MTFR1: variants seen among roughly 807,000 people sequenced by gnomAD.
MTFR1 encodes the protein mitochondrial fission regulator 1.
A neutral mutation model predicts 38.8 loss-of-function variants in MTFR1; 28 were observed. The ratio of observed to expected loss-of-function variants is 0.72; its 90% confidence interval spans 0.53 to 0.99. The LOEUF (loss-of-function observed/expected upper bound fraction) is 0.99. MTFR1 is among the 50% of genes least tolerant of loss of function. The pLI, the probability that MTFR1 is intolerant of heterozygous loss-of-function variation, is 0.00. For missense variants in MTFR1, 358 were observed against 395.5 expected (o/e 0.91, Z 0.81); for synonymous variants, 145 against 137.0 (o/e 1.06, Z -0.41).
At chr8:65,708,325 AC>A in intron 7 of MTFR1, 1 of 416,088 alleles carries the variant, frequency 2.4e-6, no homozygotes, top group South Asian at 2.2e-5. Context: ...CTCCAATGTT[AC>A]ATTTTCTATG....
intron 1 of MTFR1, among the ~76,000 whole-genome samples, chr8:65,645,808 C>T (rs1288386824): frequency 2.0e-5 from 3 of 150,912 alleles, no homozygotes; most frequent in Non-Finnish European, 4.4e-5. Context: ...GGATTACAGG[C>T]GGGAGTCATC....
chr8:65,665,258 C>T (rs960920208), intron 1 of MTFR1, among the ~76,000 whole-genome samples: 2 of 152,106 alleles, frequency 1.3e-5, no homozygotes, highest in Non-Finnish European at 2.9e-5. Context: ...TCAAACTCCA[C>T]ATAAAACCAT....
intron 3 of MTFR1, among the ~76,000 whole-genome samples, chr8:65,752,492 T>C (rs568784587): frequency 6.6e-6 from 1 of 152,342 alleles, no homozygotes; most frequent in Admixed American, 6.5e-5. Flanking sequence ...TCATTATCTC[T>C]GGCATTGAAA....
At chr8:65,749,927 G>A (rs1431720363) in intron 3 of MTFR1, among the ~76,000 whole-genome samples, 7 of 152,164 alleles carry the variant, frequency 4.6e-5, no homozygotes, top group African/African-American at 1.7e-4. Flanking sequence ...GAAACAGAAG[G>A]AAAATAGCTA....
chr8:65,677,424 C>T (rs1456219769), intron 2 of MTFR1, among the ~76,000 whole-genome samples: 1 of 146,930 alleles, frequency 6.8e-6, no homozygotes, highest in Non-Finnish European at 1.5e-5. Context: ...TTGCTCTGTC[C>T]CAGGCAGGAG....
chr8:65,665,490 CAT>C (rs1431430420), intron 1 of MTFR1, among the ~76,000 whole-genome samples: 1 of 152,204 alleles, frequency 6.6e-6, no homozygotes, highest in African/African-American at 2.4e-5. Flanking sequence ...CACTCTACCA[CAT>C]AGTTTCATCT....
intron 1 of MTFR1, among the ~76,000 whole-genome samples, chr8:65,662,774 G>C (rs375667329): frequency 6.7e-6 from 1 of 149,386 alleles, no homozygotes; most frequent in Non-Finnish European, 1.5e-5. Context: ...AGTGAGGAGC[G>C]TCTCCGCCCA....
At chr8:65,662,233 G>A (rs1485061418) in intron 1 of MTFR1, among the ~76,000 whole-genome samples, 2 of 152,078 alleles carry the variant, frequency 1.3e-5, no homozygotes, top group South Asian at 4.2e-4. Context: ...GAGTGCCTGC[G>A]ATTGCAGGCG....
At chr8:65,691,074 A>G (rs1425622345) in intron 3 of MTFR1, among the ~76,000 whole-genome samples, 1 of 152,154 alleles carries the variant, frequency 6.6e-6, no homozygotes, top group African/African-American at 2.4e-5. Context: ...CATTTGCTGA[A>G]TATCTGTTTG....
At chr8:65,655,760 G>T (rs1033490294) in intron 1 of MTFR1, among the ~76,000 whole-genome samples, 1 of 150,992 alleles carries the variant, frequency 6.6e-6, no homozygotes, top group East Asian at 1.9e-4. Context: ...GACCAGCCTG[G>T]CCAACATTGT....
intron 3 of MTFR1, among the ~76,000 whole-genome samples, chr8:65,684,447 A>C (rs925730867): frequency 2.0e-5 from 3 of 151,020 alleles, no homozygotes; most frequent in Non-Finnish European, 2.9e-5. Flanking sequence ...GTGCAATGGC[A>C]CAATCTCGGC....
chr8:65,747,563 A>C, intron 3 of MTFR1: 1 of 728,112 alleles, frequency 1.4e-6, no homozygotes, highest in Non-Finnish European at 2.1e-6. Context: ...ACAGAGAAAA[A>C]GACTCTATAA....
At chr8:65,694,594 G>A (rs990731238) in intron 4 of MTFR1, among the ~76,000 whole-genome samples, 3 of 152,146 alleles carry the variant, frequency 2.0e-5, no homozygotes, top group Admixed American at 2.0e-4. Flanking sequence ...TAATTATAAT[G>A]GTCTCATTGG....
At chr8:65,773,813 C>T (rs1809180656), downstream of MTFR1, among the ~76,000 whole-genome samples, 2 of 151,968 alleles carry the variant, frequency 1.3e-5, no homozygotes, top group Non-Finnish European at 2.9e-5. Flanking sequence ...CCCACTAAAA[C>T]GTCCCATTAT....
intron 3 of MTFR1, among the ~76,000 whole-genome samples, chr8:65,720,105 G>C (rs1806312331): frequency 1.3e-5 from 2 of 152,206 alleles, no homozygotes; most frequent in Admixed American, 1.3e-4. Flanking sequence ...ATGTGTACCA[G>C]AGACCTATTT....
At chr8:65,676,753 A>G (rs1804719125) in intron 2 of MTFR1, among the ~76,000 whole-genome samples, 1 of 152,230 alleles carries the variant, frequency 6.6e-6, no homozygotes. Flanking sequence ...CTAGTCTATA[A>G]TAAATGAATT....
chr8:65,689,530 C>G (rs921089237), intron 3 of MTFR1: 3 of 1,220,902 alleles, frequency 2.5e-6, no homozygotes, highest in Non-Finnish European at 3.2e-6. Context: ...AAATTTCTAT[C>G]TCTTCACTTT....
intron 3 of MTFR1, among the ~76,000 whole-genome samples, chr8:65,729,736 T>C (rs1806765500): frequency 6.6e-6 from 1 of 151,746 alleles, no homozygotes; most frequent in East Asian, 1.9e-4. Flanking sequence ...CTTTTTTTTT[T>C]TTTTGGTACT....
At chr8:65,735,234 G>A (rs1466365732) in intron 3 of MTFR1, among the ~76,000 whole-genome samples, 6 of 152,270 alleles carry the variant, frequency 3.9e-5, no homozygotes, top group South Asian at 4.1e-4. Context: ...CACAATCGCC[G>A]AGTGAGCGGG....
Sources: allele counts gnomAD v4.1 joint callset (sites outside exome capture counted in the v4.1 genomes callset), GRCh38; gene constraint gnomAD v4.1.1; transcripts MANE v1.5; gene names NCBI Gene and HGNC (gene_info 2026-07-23, HGNC 2026-07-21).